Variants in SDK1 observed in about 807,000 individuals in gnomAD.
SDK1 encodes the protein protein sidekick-1.
In SDK1, 157 loss-of-function variants were observed where a neutral mutation model predicts 245.5. The ratio of observed to expected loss-of-function variants is 0.64; its 90% confidence interval spans 0.56 to 0.73. SDK1 has a LOEUF of 0.73. Among genes scored for constraint, SDK1 ranks in the 30% least tolerant of loss-of-function variants. The probability of loss-of-function intolerance (pLI) is 0.00; values close to 1 mark genes in which losing one functional copy is unlikely to be tolerated. For missense variants in SDK1, 3,583 were observed against 3,002.3 expected, an observed-to-expected ratio of 1.19 and a Z score of -4.52; for synonymous variants, 1,647 against 1,278.5, an observed-to-expected ratio of 1.29 and a Z score of -6.15.
At chr7:3,352,062 A>G (rs1583726366) in intron 1 of SDK1, among the ~76,000 whole-genome samples, 1 of 151,460 alleles carries the variant, frequency 6.6e-6, no homozygotes, top group East Asian at 1.9e-4. Flanking sequence ...CAACCAAAAG[A>G]TAACAGGAAA....
chr7:3,991,636 C>G (rs1021100859), intron 14 of SDK1, among the ~76,000 whole-genome samples: 1 of 152,208 alleles, frequency 6.6e-6, no homozygotes, highest in Admixed American at 6.5e-5. Context: ...GCCTCTGGCT[C>G]TCCTGAAGCT....
chr7:4,245,951 A>G, intron 44 of SDK1, 146 bp downstream of exon 44: 1 of 1,013,246 alleles, frequency 9.9e-7, no homozygotes, highest in Non-Finnish European at 1.4e-6. Flanking sequence ...CATTATGCAG[A>G]TGAGAAAAGA....
At chr7:4,261,930 A>G (rs939477222) in intron 44 of SDK1, among the ~76,000 whole-genome samples, 1 of 150,436 alleles carries the variant, frequency 6.6e-6, no homozygotes, top group Admixed American at 6.6e-5. Flanking sequence ...GCTTCCATGC[A>G]TCGGGAGGAT....
Position 3,963,779 on chromosome 7 carries a change from G to A in SDK1, c.1429+928G>A, listed in dbSNP as rs149930532. On this transcript the variant is annotated intron_variant, in intron 9 of 44. Coordinates refer to ENST00000404826, the MANE Select transcript of SDK1 (RefSeq NM_152744.4). The stretch of plus-strand genomic sequence containing the variant: ...GGATGTAACCAGTGGGTACACCCAG[G>A]CTCACAGCTACCTGACCTGGACGTA... Among the ~76,000 whole-genome samples, 1,484 of 151,950 alleles carry A rather than the reference G, an allele frequency of 9.8e-3. 10 individuals are homozygous for A. The highest frequency in any genetic ancestry group is 0.033 in the African/African-American group (1,369 of 41,340).
rs183170941 is a variant in SDK1 at position 4,009,177 on chromosome 7, T to A, written c.2132-1789T>A. Among the ~76,000 whole-genome samples, 16 of 152,338 alleles carry A rather than the reference T, an allele frequency of 1.1e-4. No individual in the cohort carries two copies. The East Asian group carries it at 2.5e-3, about 24-fold the overall frequency. On this transcript the variant is annotated intron_variant, in intron 14 of 44. Transcript: ENST00000404826. Reference sequence around the variant, plus strand: ...GTTTTCACGGAAGTTCAAACAAAACTGAACACCCTTAAGTGGGAGAGCTCG... The same window carrying A: ...GTTTTCACGGAAGTTCAAACAAAACAGAACACCCTTAAGTGGGAGAGCTCG...
chr7:3,788,883 C>G (rs1780993822), intron 4 of SDK1, among the ~76,000 whole-genome samples: 1 of 152,148 alleles, frequency 6.6e-6, no homozygotes, highest in African/African-American at 2.4e-5. Flanking sequence ...CTGCGTGAGT[C>G]TCCTGCTCAG....
intron 2 of SDK1, among the ~76,000 whole-genome samples, chr7:3,621,860 G>T (rs903938111): frequency 2.6e-5 from 4 of 152,180 alleles, no homozygotes; most frequent in African/African-American, 9.7e-5. Flanking sequence ...TGAATATACA[G>T]AGGGTCCCCA....
intron 1 of SDK1, among the ~76,000 whole-genome samples, chr7:3,468,619 C>T (rs1433059638): frequency 6.7e-6 from 1 of 148,974 alleles, no homozygotes; most frequent in East Asian, 1.9e-4. Context: ...AGAGAGTGTC[C>T]TCCCTTATAC....
chr7:4,250,086 G>A (rs1448545906), intron 44 of SDK1, among the ~76,000 whole-genome samples: 3 of 152,132 alleles, frequency 2.0e-5, no homozygotes, highest in Non-Finnish European at 4.4e-5. Flanking sequence ...CAACCAGTAA[G>A]CTACTTTCTA....
intron 19 of SDK1, among the ~76,000 whole-genome samples, chr7:4,063,605 A>AAAAAAAAAAAAAAAAAAAAAAAAAC (rs1316706124): frequency 6.6e-6 from 1 of 151,354 alleles, no homozygotes; most frequent in African/African-American, 2.4e-5. Flanking sequence ...AGCAAAAAAA[A>AAAAAAAAAAAAAAAAAAAAAAAAAC]AAAACAAAAA....
chr7:4,013,277 C>T (rs1583828237), intron 16 of SDK1, among the ~76,000 whole-genome samples: 1 of 152,362 alleles, frequency 6.6e-6, no homozygotes, highest in African/African-American at 2.4e-5. Context: ...TAAAATTGCA[C>T]TGAACGCGAT....
At chr7:3,337,519 C>A (rs938689285) in intron 1 of SDK1, among the ~76,000 whole-genome samples, 2 of 151,724 alleles carry the variant, frequency 1.3e-5, no homozygotes, top group African/African-American at 4.8e-5. Flanking sequence ...TGGTGAAAGA[C>A]AGAAAGCTGT....
chr7:3,354,059 C>T (rs1393141608), intron 1 of SDK1, among the ~76,000 whole-genome samples: 1 of 150,412 alleles, frequency 6.6e-6, no homozygotes, highest in Middle Eastern at 3.4e-3. Context: ...GTGGCGAGAT[C>T]TCGGCTCGCT....
intron 1 of SDK1, among the ~76,000 whole-genome samples, chr7:3,328,789 C>T (rs1216203489): frequency 6.6e-6 from 1 of 152,100 alleles, no homozygotes; most frequent in Non-Finnish European, 1.5e-5. Context: ...AAGTATTCCA[C>T]ATGGACTATA....
In SDK1 at chr7:3,411,873, C is replaced by G. The variant is rs1238056395; in HGVS notation, c.298+109989C>G. 6.6e-5 allele frequency among the ~76,000 whole-genome samples: 10 copies of G among 151,930 alleles called. No individual in the cohort carries two copies. In the South Asian group the frequency reaches 2.1e-3, roughly 32 times the overall value. Reference sequence around the variant, plus strand: ...TTGTTCACTAGGTATGAACCCATTGCCTAGAAATCTGAAGAAGGGTATATT... The same window carrying G: ...TTGTTCACTAGGTATGAACCCATTGGCTAGAAATCTGAAGAAGGGTATATT... On this transcript the variant is annotated intron_variant, in intron 1 of 44. Coordinates refer to ENST00000404826, the MANE Select transcript of SDK1 (RefSeq NM_152744.4).
At chr7:4,044,240 C>G (rs1788851614) in intron 17 of SDK1, among the ~76,000 whole-genome samples, 1 of 152,226 alleles carries the variant, frequency 6.6e-6, no homozygotes, top group East Asian at 1.9e-4. Context: ...CACTGGGCAG[C>G]TGCCCCTGGC....
chr7:3,688,976 G>A (rs536004266), intron 4 of SDK1, among the ~76,000 whole-genome samples: 1 of 152,274 alleles, frequency 6.6e-6, no homozygotes, highest in East Asian at 1.9e-4. Context: ...TGCCCAAGGG[G>A]CCAATCCATC....
chr7:3,525,795 T>C (rs1373154987), intron 1 of SDK1, among the ~76,000 whole-genome samples: 1 of 152,212 alleles, frequency 6.6e-6, no homozygotes, highest in Non-Finnish European at 1.5e-5. Context: ...TAACTCCCTC[T>C]TCTTTGAGAA....
chr7:3,701,924 CAAAAAA>C (rs58687135), intron 4 of SDK1, among the ~76,000 whole-genome samples: 55 of 85,720 alleles, frequency 6.4e-4, no homozygotes, highest in African/African-American at 1.5e-3. Context: ...CGTGCATAAG[CAAAAAA>C]AAAAAAAAAA....
Sources: allele counts gnomAD v4.1 joint callset (sites outside exome capture counted in the v4.1 genomes callset), GRCh38; gene constraint gnomAD v4.1.1; transcripts MANE v1.5; gene names NCBI Gene and HGNC (gene_info 2026-07-23, HGNC 2026-07-21).